The following LIPG variants were observed in gnomAD, a reference collection of about 807,000 sequenced individuals.
LIPG encodes the protein endothelial lipase.
A neutral mutation model predicts 51.8 loss-of-function variants in LIPG; 34 were observed. That is an observed-to-expected ratio of 0.66 (90% CI 0.50 to 0.87). LIPG has a LOEUF of 0.87. Among genes scored for constraint, LIPG ranks in the 40% least tolerant of loss-of-function variants. LIPG has a pLI of 0.00. For missense variants in LIPG, 580 were observed against 652.7 expected, an observed-to-expected ratio of 0.89 and a Z score of 1.21; for synonymous variants, 246 against 246.1, an observed-to-expected ratio of 1.00 and a Z score of 0.00.
intron 4 of LIPG, among the ~76,000 whole-genome samples, chr18:49,570,662 C>G (rs2084652361): frequency 6.6e-6 from 1 of 152,168 alleles, no homozygotes; most frequent in African/African-American, 2.4e-5. Context: ...AACACTGTCT[C>G]TACTAAAAAT....
intron 1 of LIPG, among the ~76,000 whole-genome samples, chr18:49,562,708 G>C (rs1489623717): frequency 1.4e-5 from 2 of 147,848 alleles, no homozygotes; most frequent in African/African-American, 5.0e-5. Context: ...CCAGCCAGCC[G>C]AGCGGCCTGG....
chr18:49,571,012 A>G (rs1001966605), intron 4 of LIPG, among the ~76,000 whole-genome samples: 6 of 152,230 alleles, frequency 3.9e-5, no homozygotes, highest in African/African-American at 1.4e-4. Context: ...GTGCACACAC[A>G]TGAGCATGCA....
chr18:49,598,246 G>T lies in LIPG; in HGVS notation c.*7724G>T, dbSNP rs2084992463. 6.6e-6 allele frequency: 1 copy of T among 152,176 alleles called. No individual in the cohort carries two copies. Among genetic ancestry groups the T allele is most frequent in the Non-Finnish European group, 1.5e-5 (1 of 68,070 alleles). 9.4% of individuals were successfully genotyped at this position (152,176 alleles called of 1,614,324 possible). A position where few individuals can be genotyped will look rare whatever the true frequency, so the allele number is the denominator to read the frequency against. On this transcript the variant is annotated 3_prime_UTR_variant, in exon 10 of 10. Transcript: ENST00000261292. The stretch of plus-strand genomic sequence containing the variant: ...GTATCACTGTGTGGCCCAGGCTGGA[G>T]TGTGGTGGCGCCATCACTGCTCACT...
chr18:49,586,793 G>A lies in LIPG; in HGVS notation c.1424G>A (p.Gly475Asp), dbSNP rs149636789. ...CCTGAGAACACCAGCATATCCCCAGGCCGGGAGCTCTGGTTTCGCAAGTGT... is the reference window on the plus strand; with the variant it reads ...CCTGAGAACACCAGCATATCCCCAGACCGGGAGCTCTGGTTTCGCAAGTGT... Reference protein sequence around the residue: ...EDPENTSISPGRELWFRKCRD... With the variant: ...EDPENTSISPDRELWFRKCRD... The change falls in exon 9 of 10, where the codon GGC becomes GAC. Residue 475 changes from glycine (G) to aspartate (D), a missense_variant. Physicochemically the swap from Gly to Asp is moderately conservative, Grantham distance 94 (BLOSUM62 -1). Transcript: ENST00000261292. The A allele has an allele frequency of 3.7e-5, 60 of 1,614,094 alleles. No homozygotes were observed. In the East Asian group the frequency reaches 1.3e-3, roughly 35 times the overall value.
chr18:49,567,372 G>T, intron 2 of LIPG, 70 bp from the exon 3 acceptor site: 2 of 1,489,724 alleles, frequency 1.3e-6, no homozygotes, highest in Non-Finnish European at 9.2e-7. Context: ...GGGTCATATA[G>T]AAAGGAATTC....
rs61761314 is a variant in LIPG, at chr18:49,565,379, C to T, written c.160C>T (p.Arg54Cys). 77 of 1,614,150 alleles carry T rather than the reference C, an allele frequency of 4.8e-5. No homozygotes were observed. Among genetic ancestry groups the T allele is most frequent in the Middle Eastern group, 1.6e-4 (1 of 6,062 alleles). The change falls in exon 2 of 10, where the codon CGC (arginine) becomes TGC (cysteine). Residue 54 changes from arginine (R) to cysteine (C), a missense_variant. Coordinates refer to ENST00000261292, the MANE Select transcript of LIPG (RefSeq NM_006033.4). The stretch of plus-strand genomic sequence containing the variant: ...CAAACCATCTGTGAGGTTTAACCTC[C>T]GCACCTCCAAGGACCCAGAGCATGA... ...EVKPSVRFNL[R>C]TSKDPEHEGC...
chr18:49,575,494 C>T lies in LIPG; in HGVS notation c.697C>T (p.Gln233Ter). 1 of 1,614,218 alleles carries T rather than the reference C, an allele frequency of 6.2e-7. No homozygotes were observed. The highest frequency in any genetic ancestry group is 8.5e-7 in the Non-Finnish European group (1 of 1,180,030). The change falls in exon 5 of 10, where the codon CAG becomes TAG. Residue 233 changes from glutamine (Q) to a stop codon, truncating the protein, a stop_gained. Transcript: ENST00000261292. LOFTEE classifies it high-confidence loss of function. ...TTCCTTCGGCTTGAGCATTGGTATT[C>T]AGATGCCTGTGGGCCACATTGACAT... ...TRSFGLSIGI[Q>*]MPVGHIDIYP...
intron 8 of LIPG, among the ~76,000 whole-genome samples, chr18:49,584,945 G>A (rs745980826): frequency 2.0e-5 from 3 of 152,206 alleles, no homozygotes; most frequent in Non-Finnish European, 4.4e-5. Context: ...TATAGATACA[G>A]TTGAAGCCCC....
In LIPG at chr18:49,595,957, T is replaced by C. The variant is rs2084980241; in HGVS notation, c.*5435T>C. ...ATGGATGATGAGAAAGTAGGCTCAT[T>C]TGACAAAGAGAAACAAAATTAGATT... On this transcript the variant is annotated 3_prime_UTR_variant, in exon 10 of 10. Coordinates refer to ENST00000261292, the MANE Select transcript of LIPG (RefSeq NM_006033.4). 1 of 152,194 alleles carries C rather than the reference T, an allele frequency of 6.6e-6. No individual in the cohort carries two copies. Among genetic ancestry groups the C allele is most frequent in the African/African-American group, 2.4e-5 (1 of 41,448 alleles). The allele number at this position is 152,194 out of a possible 1,614,324, so 9.4% of individuals were successfully genotyped here. A position where few individuals can be genotyped will look rare whatever the true frequency, so the allele number is the denominator to read the frequency against.
At chr18:49,576,388 CT>C (rs1241020976) in intron 5 of LIPG, among the ~76,000 whole-genome samples, 2 of 124,064 alleles carry the variant, frequency 1.6e-5, no homozygotes, top group African/African-American at 3.1e-5. Flanking sequence ...TTTCAACTTT[CT>C]TTTTTTTCCT....
rs771159036 is a variant in LIPG at position 49,562,369 on chromosome 18, A to G, written c.61A>G (p.Ser21Gly). Residue 21 changes from serine to glycine, a missense_variant, in exon 1 of 10, where the codon AGC becomes GGC. Transcript: ENST00000261292. Reference sequence around the variant, plus strand: ...CCTCTGCTATTGCTTTGCTGCGGGGAGCCCCGTACCTTTTGGTCCAGAGGG... The same window carrying G: ...CCTCTGCTATTGCTTTGCTGCGGGGGGCCCCGTACCTTTTGGTCCAGAGGG... ...WSLCYCFAAG[S>G]PVPFGPEGRL... 1 of 1,612,856 alleles carries G rather than the reference A, an allele frequency of 6.2e-7. No individual in the cohort carries two copies. The highest frequency in any genetic ancestry group is 8.5e-7 in the Non-Finnish European group (1 of 1,179,926).
chr18:49,579,743 T>TCCTTTC (rs1555778414), intron 5 of LIPG, among the ~76,000 whole-genome samples: 5 of 131,076 alleles, frequency 3.8e-5, no homozygotes, highest in Non-Finnish European at 6.3e-5. Flanking sequence ...TGATGGCCTT[T>TCCTTTC]CTTTCCTTTC....
chr18:49,576,484 T>TTTTTTTTTTTTG (rs2084720260), intron 5 of LIPG, among the ~76,000 whole-genome samples: 1 of 121,492 alleles, frequency 8.2e-6, no homozygotes, highest in African/African-American at 3.2e-5. Flanking sequence ...TTTTTTTTTT[T>TTTTTTTTTTTTG]GAGACGGAGT....
At chr18:49,572,730 TAAAA>T (rs149836695) in intron 4 of LIPG, among the ~76,000 whole-genome samples, 9,152 of 130,812 alleles carry the variant, frequency 0.07, 335 homozygotes, top group South Asian at 0.15. Context: ...GACCCTGTCT[TAAAA>T]AAAAAAAAAA....
In LIPG at chr18:49,596,487, T is replaced by C. The variant is rs1287666073; in HGVS notation, c.*5965T>C. 6.6e-6 allele frequency: 1 copy of C among 151,412 alleles called. No individual in the cohort carries two copies. The highest frequency in any genetic ancestry group is 1.9e-4 in the East Asian group (1 of 5,144). The allele number at this position is 151,412 out of a possible 1,614,324, so 9.4% of individuals were successfully genotyped here. ...TGTCTCTACTAAAAATACAAAAAGT[T>C]AGCCAGGTGTGATGGTGGGCACCTG... On this transcript the variant is annotated 3_prime_UTR_variant, in exon 10 of 10. Coordinates refer to ENST00000261292, the MANE Select transcript of LIPG (RefSeq NM_006033.4).
In LIPG at chr18:49,596,132, G is replaced by A. The variant is rs2084981042; in HGVS notation, c.*5610G>A. 6.6e-6 allele frequency: 1 copy of A among 151,966 alleles called. No individual in the cohort carries two copies. The highest frequency in any genetic ancestry group is 1.5e-5 in the Non-Finnish European group (1 of 68,002). The allele number at this position is 151,966 out of a possible 1,614,324, so 9.4% of individuals were successfully genotyped here. ...CTGCATACGTACCCCTGAAACTAAA[G>A]TAGAAGTTAAAACCATCAACCCCCC... On this transcript the variant is annotated 3_prime_UTR_variant, in exon 10 of 10. Transcript: ENST00000261292.
Position 49,569,511 on chromosome 18 carries a change from A to C in LIPG, c.534A>C (p.Ala178=), listed in dbSNP as rs562832653. 1 of 1,614,156 alleles carries C rather than the reference A, an allele frequency of 6.2e-7. No individual in the cohort carries two copies. Among genetic ancestry groups the C allele is most frequent in the Non-Finnish European group, 8.5e-7 (1 of 1,180,032 alleles). Residue 178 remains alanine, a synonymous_variant, in exon 4 of 10, where the codon GCA becomes GCC. Transcript: ENST00000261292. ...TCGGAGCGCACGTGGCCGGGTATGC[A>C]GGCAACTTCGTGAAAGGAACGGTGG... The part of the protein sequence containing the change: ...YSLGAHVAGY[A]GNFVKGTVGR...
intron 1 of LIPG, among the ~76,000 whole-genome samples, chr18:49,562,690 G>A (rs2084563688): frequency 6.6e-6 from 1 of 150,924 alleles, no homozygotes. Flanking sequence ...AGCCAGTGCT[G>A]GTGCTGTCCA....
chr18:49,581,994 A>G, intron 6 of LIPG: 2 of 580,218 alleles, frequency 3.4e-6, no homozygotes, highest in Non-Finnish European at 6.1e-6. Flanking sequence ...GACCAAAATG[A>G]CATGTTACAT....
Sources: allele counts gnomAD v4.1 joint callset (sites outside exome capture counted in the v4.1 genomes callset), GRCh38; gene constraint gnomAD v4.1.1; transcripts MANE v1.5; gene names NCBI Gene and HGNC (gene_info 2026-07-23, HGNC 2026-07-21).